NEGR1: variants seen among roughly 807,000 people sequenced by gnomAD.
NEGR1 encodes the protein neuronal growth regulator 1, also known as IgLON family member 4.
In NEGR1, 10 loss-of-function variants were observed where a neutral mutation model predicts 40.9. That is an observed-to-expected ratio of 0.24 (90% CI 0.15 to 0.42). The LOEUF (loss-of-function observed/expected upper bound fraction) is 0.42. Among genes scored for constraint, NEGR1 ranks in the 10% least tolerant of loss-of-function variants. The pLI is 1.00. For synonymous variants in NEGR1, 185 were observed against 166.8 expected (o/e 1.11, Z -0.84); for missense variants, 352 against 438.9 (o/e 0.80, Z 1.77).
chr1:72,164,941 A>G (rs527819846), intron 1 of NEGR1, among the ~76,000 whole-genome samples: 1 of 152,236 alleles, frequency 6.6e-6, no homozygotes, highest in Non-Finnish European at 1.5e-5. Flanking sequence ...TTCAAGTCTT[A>G]CAAATACCCT....
intron 1 of NEGR1, among the ~76,000 whole-genome samples, chr1:72,055,355 C>G (rs1487000188): frequency 6.6e-6 from 1 of 151,112 alleles, no homozygotes; most frequent in Non-Finnish European, 1.5e-5. Flanking sequence ...TAAAATTACT[C>G]CCTTATATTG....
intron 4 of NEGR1, among the ~76,000 whole-genome samples, chr1:71,631,851 T>C (rs1166213460): frequency 5.3e-5 from 8 of 151,784 alleles, no homozygotes; most frequent in Non-Finnish European, 3.0e-5. Context: ...AAGATTTTTT[T>C]GAAAAATTTC....
chr1:71,789,244 T>C (rs1348557796), intron 2 of NEGR1, among the ~76,000 whole-genome samples: 12 of 152,132 alleles, frequency 7.9e-5, no homozygotes, highest in African/African-American at 2.9e-4. Flanking sequence ...TTTCAAGACA[T>C]AAACAAATGT....
intron 6 of NEGR1, among the ~76,000 whole-genome samples, chr1:71,538,160 A>T (rs1019021968): frequency 6.6e-6 from 1 of 151,726 alleles, no homozygotes; most frequent in Non-Finnish European, 1.5e-5. Context: ...GGCCAGATAG[A>T]AGGAAATTCC....
At chr1:72,028,527 C>T (rs1038344479) in intron 1 of NEGR1, among the ~76,000 whole-genome samples, 1 of 152,276 alleles carries the variant, frequency 6.6e-6, no homozygotes, top group East Asian at 1.9e-4. Context: ...TATCTTCTCA[C>T]CCCTACCTAC....
intron 4 of NEGR1, among the ~76,000 whole-genome samples, chr1:71,654,395 C>T (rs1570156624): frequency 2.6e-5 from 4 of 151,928 alleles, no homozygotes; most frequent in African/African-American, 9.7e-5. Flanking sequence ...TACATGAAGA[C>T]AAAATATTAA....
At chr1:71,971,224 C>T (rs141060005) in intron 1 of NEGR1, among the ~76,000 whole-genome samples, 402 of 152,286 alleles carry the variant, frequency 2.6e-3, no homozygotes, top group African/African-American at 9.0e-3. Flanking sequence ...GTGGTGCTGT[C>T]GGTACACTGA....
intron 6 of NEGR1, among the ~76,000 whole-genome samples, chr1:71,504,085 G>T (rs1303985717): frequency 1.3e-5 from 2 of 149,724 alleles, no homozygotes; most frequent in African/African-American, 2.5e-5. Flanking sequence ...CTGCATTCCT[G>T]CAGAGGCTCA....
intron 1 of NEGR1, among the ~76,000 whole-genome samples, chr1:72,188,581 C>G (rs1652698037): frequency 6.6e-6 from 1 of 151,448 alleles, no homozygotes; most frequent in African/African-American, 2.4e-5. Flanking sequence ...TCTGCTTAAA[C>G]AAGAAGAGTC....
chr1:72,039,375 G>C (rs1461573584), intron 1 of NEGR1, among the ~76,000 whole-genome samples: 1 of 151,908 alleles, frequency 6.6e-6, no homozygotes, highest in Non-Finnish European at 1.5e-5. Context: ...TAGGTGTGGA[G>C]ATGCCACTAA....
At chr1:72,178,643 C>T (rs1468403628) in intron 1 of NEGR1, among the ~76,000 whole-genome samples, 1 of 151,748 alleles carries the variant, frequency 6.6e-6, no homozygotes, top group East Asian at 1.9e-4. Flanking sequence ...TACATTCCCA[C>T]CAGCAGTGTA....
chr1:72,131,656 T>C (rs934875962), intron 1 of NEGR1, among the ~76,000 whole-genome samples: 8 of 152,298 alleles, frequency 5.3e-5, no homozygotes, highest in African/African-American at 1.9e-4. Flanking sequence ...TAAAAATACA[T>C]CTAATAAATA....
At chr1:72,079,526 A>G (rs996367394) in intron 1 of NEGR1, among the ~76,000 whole-genome samples, 2 of 152,164 alleles carry the variant, frequency 1.3e-5, no homozygotes, top group African/African-American at 4.8e-5. Flanking sequence ...AAAAGAAAAA[A>G]TGAACTGAAG....
chr1:72,258,876 T>C lies in NEGR1; in HGVS notation c.176+23443A>G, dbSNP rs574595103. Among the ~76,000 whole-genome samples the C allele has an allele frequency of 1.9e-3, 295 of 152,286 alleles. 1 individual carries two copies. Among genetic ancestry groups the C allele is most frequent in the African/African-American group, 6.9e-3 (285 of 41,572 alleles). ...AGGAGCCAATAAAATCTTCTTTTAG[T>C]TTGCTTACTAAATAGCTACATGACG... On this transcript the variant is annotated intron_variant, in intron 1 of 6. Coordinates refer to ENST00000357731, the MANE Select transcript of NEGR1 (RefSeq NM_173808.3).
intron 4 of NEGR1, among the ~76,000 whole-genome samples, chr1:71,690,619 C>CAGAGAG (rs59019409): frequency 0.043 from 2,918 of 67,540 alleles, 180 homozygotes; most frequent in Middle Eastern, 0.062. Context: ...TAGAGGGAGA[C>CAGAGAG]AGAGAGAGAG....
intron 1 of NEGR1, among the ~76,000 whole-genome samples, chr1:72,030,486 G>C (rs1646847765): frequency 6.6e-6 from 1 of 152,118 alleles, no homozygotes; most frequent in Non-Finnish European, 1.5e-5. Context: ...TACCTGGTAT[G>C]TAAGAGCCTC....
At chr1:71,942,753 C>T (rs1161489336) in intron 1 of NEGR1, among the ~76,000 whole-genome samples, 3 of 146,492 alleles carry the variant, frequency 2.0e-5, no homozygotes, top group Non-Finnish European at 4.5e-5. Flanking sequence ...CCGCCCGCCT[C>T]GGCCTCCCAA....
chr1:71,618,704 A>G (rs1461093211), intron 4 of NEGR1, among the ~76,000 whole-genome samples: 1 of 152,166 alleles, frequency 6.6e-6, no homozygotes, highest in Non-Finnish European at 1.5e-5. Flanking sequence ...ATGCACTTGA[A>G]TCATCCTGAA....
At chr1:71,927,037 G>T (rs12061126) in intron 2 of NEGR1, among the ~76,000 whole-genome samples, 33,391 of 151,934 alleles carry the variant, frequency 0.22, 4,028 homozygotes, top group Admixed American at 0.36. Flanking sequence ...AAGACAAGCT[G>T]GTATTCAAAC....
Sources: allele counts gnomAD v4.1 joint callset (sites outside exome capture counted in the v4.1 genomes callset), GRCh38; gene constraint gnomAD v4.1.1; transcripts MANE v1.5; gene names NCBI Gene and HGNC (gene_info 2026-07-23, HGNC 2026-07-21).